HEXA: variants seen among roughly 807,000 people sequenced by gnomAD.
HEXA encodes the protein beta-hexosaminidase subunit alpha.
In HEXA, 54 loss-of-function variants were observed where a neutral mutation model predicts 73.3. The observed-to-expected ratio is 0.74, with a 90% CI of 0.59 to 0.92. The LOEUF (loss-of-function observed/expected upper bound fraction) is 0.92. Among genes scored for constraint, HEXA ranks in the 40% least tolerant of loss-of-function variants. The pLI is 0.00. For synonymous variants in HEXA, 230 were observed against 246.9 expected (o/e 0.93, Z 0.64); for missense variants, 649 against 653.0 (o/e 0.99, Z 0.07).
chr15:72,353,320 C>G lies in HEXA; in HGVS notation c.460-142G>C. The G allele has an allele frequency of 3.7e-5, 26 of 703,268 alleles. No homozygotes were observed. The South Asian group carries it at 3.9e-4, about 11-fold the overall frequency. The allele number at this position is 703,268 out of a possible 1,614,324, so 43.6% of individuals were successfully genotyped here. A position where few individuals can be genotyped will look rare whatever the true frequency, so the allele number is the denominator to read the frequency against. On this transcript the variant is annotated intron_variant, in intron 4 of 13. Transcript: ENST00000268097. ...GGTCGCTCTCTCCCTAAATGCTCCCCACCTCTATAAATGACCATAAGCAGC... is the reference window on the plus strand; with the variant it reads ...GGTCGCTCTCTCCCTAAATGCTCCCGACCTCTATAAATGACCATAAGCAGC...
intron 1 of HEXA, 102 bp downstream of exon 1, chr15:72,375,618 G>A: frequency 7.5e-7 from 1 of 1,330,024 alleles, no homozygotes; most frequent in South Asian, 1.3e-5. Context: ...GTGATCAGAG[G>A]GCTGGACAAA....
intron 1 of HEXA, among the ~76,000 whole-genome samples, chr15:72,374,539 T>C (rs963585346): frequency 2.2e-5 from 1 of 46,424 alleles, no homozygotes; most frequent in African/African-American, 3.0e-5. Context: ...ACTTGAAACA[T>C]CATATAAAAT....
intron 5 of HEXA, among the ~76,000 whole-genome samples, chr15:72,352,596 G>A (rs1280080546): frequency 6.6e-6 from 1 of 151,406 alleles, no homozygotes; most frequent in Non-Finnish European, 1.5e-5. Context: ...AAGTCACTCT[G>A]TTATTTTTTG....
Position 72,345,457 on chromosome 15 carries a change from A to C in HEXA, c.1515T>G (p.Cys505Trp). 6.2e-7 allele frequency: 1 copy of C among 1,614,204 alleles called. No individual in the cohort carries two copies. Among genetic ancestry groups the C allele is most frequent in the African/African-American group, 1.3e-5 (1 of 75,062 alleles). ...FAYERLSHFR[C>W]ELLRRGVQAQ... ...CACAGCTTGCTTACCTCAGCAATTC[A>C]CAGCGGAAGTGTGACAAACGTTCAT... The change falls in exon 13 of 14, where the codon TGT becomes TGG. Residue 505 changes from cysteine (C) to tryptophan (W), a missense_variant. Coordinates refer to ENST00000268097, the MANE Select transcript of HEXA (RefSeq NM_000520.6).
At chr15:72,353,864 C>T in intron 3 of HEXA, 127 bp from the exon 4 acceptor site, 2 of 754,966 alleles carry the variant, frequency 2.6e-6, no homozygotes, top group South Asian at 2.9e-5. Context: ...GTAGTGTAGG[C>T]TTGACGATTT....
intron 6 of HEXA, chr15:72,350,856 A>T: frequency 3.1e-6 from 2 of 636,414 alleles, no homozygotes; most frequent in Non-Finnish European, 5.6e-6. Flanking sequence ...CCAGTGAGAT[A>T]ATCATGGTAG....
chr15:72,350,302 C>T (rs919099526), intron 7 of HEXA: 1 of 594,318 alleles, frequency 1.7e-6, no homozygotes, highest in Non-Finnish European at 3.0e-6. Context: ...AAAATGTGCC[C>T]TTACATAGTC....
In HEXA at chr15:72,375,989, C is replaced by T; in HGVS notation, c.-17G>A. 1 of 1,611,876 alleles carries T rather than the reference C, an allele frequency of 6.2e-7. No homozygotes were observed. The highest frequency in any genetic ancestry group is 8.5e-7 in the Non-Finnish European group (1 of 1,179,984). ...GCTTGTCATGGCCCGCTGGTCTCCC[C>T]TCTCGGAGGGGGCTGGCCACGTGAG... On this transcript the variant is annotated 5_prime_UTR_variant, in exon 1 of 14. Coordinates refer to ENST00000268097, the MANE Select transcript of HEXA (RefSeq NM_000520.6).
intron 5 of HEXA, 66 bp from the exon 6 acceptor site, chr15:72,351,300 T>A: frequency 9.1e-7 from 1 of 1,097,742 alleles, no homozygotes. Flanking sequence ...AAACTTGCGA[T>A]GTTGGGCGAG....
chr15:72,345,829 A>G (rs2088605578), intron 12 of HEXA: 2 of 542,462 alleles, frequency 3.7e-6, no homozygotes, highest in Admixed American at 6.2e-5. Flanking sequence ...AACCACAATG[A>G]CAGTGGCAGC....
At chr15:72,360,179 C>G (rs2088835932) in intron 1 of HEXA, 1 of 153,292 alleles carries the variant, frequency 6.5e-6, no homozygotes, top group Admixed American at 6.5e-5. Context: ...CATCTGCCTG[C>G]TGTGCCCCTG....
chr15:72,366,878 G>A (rs769325261), intron 1 of HEXA, among the ~76,000 whole-genome samples: 6 of 151,996 alleles, frequency 3.9e-5, no homozygotes, highest in Non-Finnish European at 8.8e-5. Context: ...TAGTCAACAC[G>A]TCAAAATCAA....
chr15:72,346,917 T>C, intron 10 of HEXA: 1 of 591,232 alleles, frequency 1.7e-6, no homozygotes, highest in Non-Finnish European at 3.1e-6. Flanking sequence ...CCTGCAGCTC[T>C]CCTCCCCGTC....
intron 13 of HEXA, among the ~76,000 whole-genome samples, chr15:72,344,866 T>C (rs1157888564): frequency 1.3e-5 from 2 of 152,154 alleles, no homozygotes; most frequent in Non-Finnish European, 2.9e-5. Flanking sequence ...GAGGCAAAGG[T>C]GTCATGACAT....
chr15:72,350,494 T>G (rs2088680070), intron 7 of HEXA, 24 bp downstream of exon 7: 1 of 1,613,260 alleles, frequency 6.2e-7, no homozygotes, highest in African/African-American at 1.3e-5. Context: ...GCAGAGTCCC[T>G]CTGGTCCCAG....
intron 1 of HEXA, among the ~76,000 whole-genome samples, chr15:72,369,649 C>T (rs1325067878): frequency 6.6e-6 from 1 of 152,148 alleles, no homozygotes; most frequent in African/African-American, 2.4e-5. Flanking sequence ...GCCATCCTCC[C>T]ACCTCAGCCT....
At chr15:72,364,684 A>G (rs1176487922) in intron 1 of HEXA, among the ~76,000 whole-genome samples, 1 of 152,114 alleles carries the variant, frequency 6.6e-6, no homozygotes, top group Non-Finnish European at 1.5e-5. Flanking sequence ...CCAAATCCAC[A>G]TATATGGGCC....
At chr15:72,345,388 G>T in intron 13 of HEXA, 58 bp downstream of exon 13, 2 of 1,610,222 alleles carry the variant, frequency 1.2e-6, no homozygotes, top group Non-Finnish European at 1.7e-6. Context: ...TCTCTAAGGG[G>T]TTCCCCAGCC....
At chr15:72,355,173 CTG>C (rs1210447508) in intron 3 of HEXA, 2 of 341,696 alleles carry the variant, frequency 5.9e-6, no homozygotes, top group Non-Finnish European at 1.1e-5. Context: ...AGGGTAAAAC[CTG>C]TCAACTTCCA....
Sources: gnomAD v4.1 joint callset for allele counts (sites outside exome capture counted in the v4.1 genomes callset) on GRCh38, gnomAD v4.1.1 for gene constraint, MANE v1.5 for transcripts, NCBI Gene and HGNC (gene_info 2026-07-23, HGNC 2026-07-21) for gene names.